HPSE2: variants seen among roughly 807,000 people sequenced by gnomAD.
HPSE2 encodes the protein inactive heparanase-2.
In HPSE2, 38 loss-of-function variants were observed where a neutral mutation model predicts 60.5. The observed-to-expected ratio is 0.63, with a 90% CI of 0.48 to 0.82. HPSE2 has a LOEUF of 0.82. HPSE2 is among the 40% of genes least tolerant of loss of function. HPSE2 has a pLI of 0.00. For synonymous variants in HPSE2, 295 were observed against 293.2 expected (o/e 1.01, Z -0.06); for missense variants, 713 against 740.4 (o/e 0.96, Z 0.43).
chr10:99,120,055 C>T (rs912313346), intron 3 of HPSE2, among the ~76,000 whole-genome samples: 6 of 152,110 alleles, frequency 3.9e-5, no homozygotes, highest in Admixed American at 1.3e-4. Context: ...ATGACAAAGA[C>T]GCCAAAAGCA....
the HPSE2 span, among the ~76,000 whole-genome samples, chr10:99,276,907 A>G: frequency 6.6e-6 from 1 of 152,224 alleles, no homozygotes; most frequent in African/African-American, 2.4e-5. Flanking sequence ...AATTTAAAAT[A>G]ACGCCAAAAC....
the HPSE2 span, among the ~76,000 whole-genome samples, chr10:99,247,681 TTAAAG>T: frequency 1.3e-5 from 2 of 152,182 alleles, no homozygotes; most frequent in South Asian, 4.1e-4. Flanking sequence ...ACCCATAGGC[TTAAAG>T]TAAAGAGTTG....
intron 9 of HPSE2, among the ~76,000 whole-genome samples, chr10:98,609,777 A>G (rs1043794871): frequency 2.0e-5 from 3 of 149,260 alleles, no homozygotes; most frequent in African/African-American, 7.3e-5. Flanking sequence ...ATCTTACCAT[A>G]GTTCCAGGCT....
chr10:98,960,740 A>AT (rs63389761), intron 3 of HPSE2, among the ~76,000 whole-genome samples: 1,205 of 95,802 alleles, frequency 0.013, 46 homozygotes, highest in African/African-American at 0.056. Flanking sequence ...TTTTTATTTT[A>AT]TTTTTTTTTT....
intron 3 of HPSE2, among the ~76,000 whole-genome samples, chr10:99,072,698 G>C (rs558741146): frequency 2.6e-5 from 4 of 152,210 alleles, no homozygotes; most frequent in Admixed American, 2.6e-4. Flanking sequence ...GGCCAAGGCG[G>C]GTGGATAACA....
chr10:98,746,936 T>G (rs1327096461), intron 3 of HPSE2, among the ~76,000 whole-genome samples: 1 of 151,890 alleles, frequency 6.6e-6, no homozygotes, highest in African/African-American at 2.4e-5. Context: ...AAAATATAAC[T>G]CTCTATTTAA....
intron 3 of HPSE2, among the ~76,000 whole-genome samples, chr10:98,959,143 C>G (rs927894871): frequency 5.9e-5 from 9 of 151,996 alleles, no homozygotes; most frequent in African/African-American, 2.2e-4. Flanking sequence ...GGACATAGAT[C>G]ATGTTTTATA....
the HPSE2 span, among the ~76,000 whole-genome samples, chr10:99,264,095 C>CT: frequency 6.8e-3 from 1,012 of 148,230 alleles, 6 homozygotes; most frequent in African/African-American, 0.014. Flanking sequence ...TTTTCTTTTT[C>CT]TTTTTTTTTT....
At chr10:98,937,954 C>A (rs1268697233) in intron 3 of HPSE2, among the ~76,000 whole-genome samples, 1 of 143,674 alleles carries the variant, frequency 7.0e-6, no homozygotes, top group Non-Finnish European at 1.5e-5. Flanking sequence ...TCTGCAGACA[C>A]CTCTGCTGAT....
rs545314131 is a variant in HPSE2 at position 98,724,096 on chromosome 10, G to A, written c.785-2268C>T. ...AGATCTTTCCTGCTTTCTCTTGTGGGCATTTAGTGCTATAAATTTCCCTCT... is the reference window on the plus strand; with the variant it reads ...AGATCTTTCCTGCTTTCTCTTGTGGACATTTAGTGCTATAAATTTCCCTCT... On this transcript the variant is annotated intron_variant, in intron 4 of 11. Transcript: ENST00000370552. Among the ~76,000 whole-genome samples, 6 of 151,960 alleles carry A rather than the reference G, an allele frequency of 3.9e-5. No individual in the cohort carries two copies. In the South Asian group the frequency reaches 1.3e-3, roughly 32 times the overall value.
intron 3 of HPSE2, among the ~76,000 whole-genome samples, chr10:98,916,136 G>C (rs758446451): frequency 2.0e-5 from 3 of 152,200 alleles, no homozygotes; most frequent in Non-Finnish European, 2.9e-5. Context: ...AACCATTTCT[G>C]CTCTGGCTGT....
At chr10:99,004,052 G>A (rs1956837621) in intron 3 of HPSE2, among the ~76,000 whole-genome samples, 1 of 151,962 alleles carries the variant, frequency 6.6e-6, no homozygotes, top group Non-Finnish European at 1.5e-5. Flanking sequence ...TATAAGTATA[G>A]TTACCCTGCT....
At chr10:98,862,853 C>G (rs1952491744) in intron 3 of HPSE2, among the ~76,000 whole-genome samples, 1 of 152,126 alleles carries the variant, frequency 6.6e-6, no homozygotes, top group Non-Finnish European at 1.5e-5. Flanking sequence ...CCTTGAACTT[C>G]CGGCTCAAGC....
At chr10:99,139,551 G>A (rs1167468276) in intron 3 of HPSE2, among the ~76,000 whole-genome samples, 1 of 152,106 alleles carries the variant, frequency 6.6e-6, no homozygotes, top group East Asian at 1.9e-4. Context: ...ATCCCATCAA[G>A]TGTGCTTGAA....
chr10:98,512,516 C>A (rs547750196), intron 9 of HPSE2, among the ~76,000 whole-genome samples: 2 of 150,670 alleles, frequency 1.3e-5, no homozygotes, highest in African/African-American at 4.9e-5. Flanking sequence ...ACCCGGGAGG[C>A]GGAGGTTGCA....
chr10:98,892,101 C>T (rs1349932599), intron 3 of HPSE2, among the ~76,000 whole-genome samples: 3 of 151,916 alleles, frequency 2.0e-5, no homozygotes, highest in Non-Finnish European at 2.9e-5. Flanking sequence ...AGTATGGGGA[C>T]ATTATGTATA....
intron 3 of HPSE2, among the ~76,000 whole-genome samples, chr10:98,995,770 C>G (rs187532358): frequency 1.3e-5 from 2 of 151,840 alleles, no homozygotes; most frequent in East Asian, 1.9e-4. Context: ...CAATAATCAA[C>G]CCCCTCAAAA....
chr10:98,943,584 A>G (rs1955089408), intron 3 of HPSE2, among the ~76,000 whole-genome samples: 4 of 152,080 alleles, frequency 2.6e-5, no homozygotes, highest in Admixed American at 2.6e-4. Context: ...AGACTGTATG[A>G]TAAAGACAAT....
At chr10:98,649,195 T>C (rs950768359) in intron 6 of HPSE2, among the ~76,000 whole-genome samples, 2 of 152,204 alleles carry the variant, frequency 1.3e-5, no homozygotes, top group Admixed American at 1.3e-4. Context: ...TTTCATGTAA[T>C]TGTCATTGTT....
Sources: allele counts gnomAD v4.1 joint callset (sites outside exome capture counted in the v4.1 genomes callset), GRCh38; gene constraint gnomAD v4.1.1; transcripts MANE v1.5; gene names NCBI Gene and HGNC (gene_info 2026-07-23, HGNC 2026-07-21).